Variants in ADAMTS14 observed in about 807,000 individuals in gnomAD.
ADAMTS14 encodes ADAM metallopeptidase with thrombospondin type 1 motif 14.
In ADAMTS14, 100 loss-of-function variants were observed where a neutral mutation model predicts 128.6. The observed-to-expected ratio is 0.78, with a 90% CI of 0.66 to 0.92. The LOEUF is 0.92. Ranked by LOEUF, ADAMTS14 falls within the 40% of genes least tolerant of loss-of-function variation. ADAMTS14 has a pLI of 0.00. For missense variants in ADAMTS14, 1,562 were observed against 1,658.6 expected (o/e 0.94, Z 1.01); for synonymous variants, 665 against 653.8 (o/e 1.02, Z -0.26).
In ADAMTS14 at chr10:70,735,308, A is replaced by G. The variant is rs1176301264; in HGVS notation, c.1485+7A>G. 1 of 1,613,448 alleles carries G rather than the reference A, an allele frequency of 6.2e-7. No individual in the cohort carries two copies. Among genetic ancestry groups the G allele is most frequent in the African/African-American group, 1.3e-5 (1 of 74,948 alleles). On this transcript the variant is annotated splice_region_variant and intron_variant, in intron 9 of 21. Coordinates refer to ENST00000373207, the MANE Select transcript of ADAMTS14 (RefSeq NM_080722.4). ...CTACCAGACCTGCTTGGCAGTAAGT[A>G]GCCATCTGGCCTCTGCCAGGTGGTT...
intron 4 of ADAMTS14, among the ~76,000 whole-genome samples, chr10:70,710,404 T>C (rs1840811683): frequency 6.6e-6 from 1 of 152,226 alleles, no homozygotes; most frequent in South Asian, 2.1e-4. Flanking sequence ...CTCACTGGCC[T>C]TGATGTTAGG....
chr10:70,710,078 C>A (rs1454772016), intron 4 of ADAMTS14, among the ~76,000 whole-genome samples: 1 of 152,202 alleles, frequency 6.6e-6, no homozygotes, highest in African/African-American at 2.4e-5. Flanking sequence ...GCCGGACCCT[C>A]AGCCCTCCCC....
chr10:70,684,173 T>C (rs557944843), intron 2 of ADAMTS14, among the ~76,000 whole-genome samples: 10 of 151,984 alleles, frequency 6.6e-5, no homozygotes, highest in African/African-American at 2.4e-4. Context: ...TGCTACACAC[T>C]TTTAAACAAC....
Position 70,743,658 on chromosome 10 carries a change from G to A in ADAMTS14, c.2035G>A (p.Val679Ile), listed in dbSNP as rs149001845. 80 of 1,604,974 alleles carry A rather than the reference G, an allele frequency of 5.0e-5. No individual in the cohort carries two copies. Among genetic ancestry groups the A allele is most frequent in the African/African-American group, 4.6e-4 (34 of 74,544 alleles). ...TRCSYRDPYS[V>I]CARGECVPVG... is the part of the protein sequence containing the mutation. The stretch of plus-strand genomic sequence containing the variant: ...CTGCAGCTACCGGGACCCATACAGC[G>A]TCTGTGCGCGTGGCGAGTGTGTGGT... The change falls in exon 13 of 22, where the codon GTC (valine) becomes ATC (isoleucine). Residue 679 changes from valine (V) to isoleucine (I), a missense_variant. Val to Ile is a conservative substitution (Grantham distance 29). Transcript: ENST00000373207.
chr10:70,705,681 G>A (rs1322827190), intron 3 of ADAMTS14, among the ~76,000 whole-genome samples: 1 of 152,166 alleles, frequency 6.6e-6, no homozygotes, highest in Non-Finnish European at 1.5e-5. Flanking sequence ...ACGTTTCATG[G>A]AATGAAATCA....
rs990989626 is a variant in ADAMTS14, at chr10:70,744,009, C to T, written c.2059-57C>T. On this transcript the variant is annotated intron_variant, in intron 13 of 21. Coordinates refer to ENST00000373207, the MANE Select transcript of ADAMTS14 (RefSeq NM_080722.4). ...GGCCTGGGGATGGGAATGGGAGCCC[C>T]GGGGTGGCGGTGGGGGCAGGGGAGC... The T allele has an allele frequency of 2.2e-5, 34 of 1,535,412 alleles. 1 individual carries two copies. Among genetic ancestry groups the T allele is most frequent in the South Asian group, 1.1e-4 (9 of 82,326 alleles).
chr10:70,678,141 A>C (rs1477590062), intron 2 of ADAMTS14, among the ~76,000 whole-genome samples: 2 of 152,244 alleles, frequency 1.3e-5, no homozygotes, highest in East Asian at 1.9e-4. Flanking sequence ...TTTGCAGATG[A>C]GGAAACTGAG....
chr10:70,695,666 G>C (rs539711387), intron 2 of ADAMTS14, among the ~76,000 whole-genome samples: 74 of 152,352 alleles, frequency 4.9e-4, no homozygotes, highest in African/African-American at 1.7e-3. Flanking sequence ...ACTGAGATGG[G>C]GAAGACAAGG....
intron 18 of ADAMTS14, among the ~76,000 whole-genome samples, chr10:70,752,667 C>T (rs1262495025): frequency 1.3e-5 from 2 of 152,168 alleles, no homozygotes; most frequent in African/African-American, 4.8e-5. Flanking sequence ...CTAGTACACC[C>T]CAAGCAGACT....
At chr10:70,734,058 TA>T in intron 8 of ADAMTS14, 30 bp downstream of exon 8, 1 of 1,600,424 alleles carries the variant, frequency 6.2e-7, no homozygotes, top group Non-Finnish European at 8.5e-7. Context: ...AGAGCTGGGA[TA>T]GGGGAGCATG....
intron 2 of ADAMTS14, among the ~76,000 whole-genome samples, chr10:70,680,597 A>G (rs1406088427): frequency 6.6e-6 from 1 of 152,136 alleles, no homozygotes; most frequent in Non-Finnish European, 1.5e-5. Context: ...CTATGCTTAG[A>G]TTCCTCATCT....
At chr10:70,740,672 G>A (rs1054502937) in intron 11 of ADAMTS14, among the ~76,000 whole-genome samples, 1 of 152,214 alleles carries the variant, frequency 6.6e-6, no homozygotes, top group African/African-American at 2.4e-5. Context: ...GAGTAAGATG[G>A]ATTTCTCTTC....
At chr10:70,747,618 G>T (rs562373429) in intron 15 of ADAMTS14, among the ~76,000 whole-genome samples, 1 of 152,162 alleles carries the variant, frequency 6.6e-6, no homozygotes, top group Non-Finnish European at 1.5e-5. Context: ...CTAGTTCTTC[G>T]ATCCCCAGGG....
intron 4 of ADAMTS14, among the ~76,000 whole-genome samples, chr10:70,725,261 A>G (rs555578722): frequency 6.6e-6 from 1 of 152,278 alleles, no homozygotes; most frequent in Admixed American, 6.5e-5. Flanking sequence ...AGGCCAGCAG[A>G]GGACGTGGAA....
intron 2 of ADAMTS14, among the ~76,000 whole-genome samples, chr10:70,694,155 A>C (rs1840267432): frequency 6.6e-6 from 1 of 152,234 alleles, no homozygotes; most frequent in East Asian, 1.9e-4. Context: ...CAGCGTCGGC[A>C]GGCTTTCATC....
intron 3 of ADAMTS14, 83 bp downstream of exon 3, chr10:70,702,551 C>A: frequency 6.7e-7 from 1 of 1,489,466 alleles, no homozygotes; most frequent in South Asian, 1.4e-5. Context: ...TTAAGCTGTC[C>A]ATGTCTGGCC....
Position 70,760,365 on chromosome 10 carries a change from C to A in ADAMTS14, c.3184C>A (p.Pro1062Thr). 1 of 1,565,142 alleles carries A rather than the reference C, an allele frequency of 6.4e-7. No individual in the cohort carries two copies. The highest frequency in any genetic ancestry group is 1.2e-5 in the South Asian group (1 of 84,166). ...TCCTTGTGCTGTGTGTGCAGCGGAG[C>A]CCTGCACGGGAGACAGGTCTGTCTT... ...HPINKISSTE[P>T]CTGDRSVFCQ... Residue 1062 changes from proline (P) to threonine (T), a missense_variant, in exon 22 of 22, where the codon CCC (proline) becomes ACC (threonine). Transcript: ENST00000373207.
intron 2 of ADAMTS14, among the ~76,000 whole-genome samples, chr10:70,692,893 G>T (rs533890912): frequency 2.0e-5 from 3 of 152,260 alleles, no homozygotes; most frequent in African/African-American, 7.2e-5. Flanking sequence ...GGCATGTGTG[G>T]TAGTCCATTT....
chr10:70,756,211 C>A (rs1413413847), intron 19 of ADAMTS14, among the ~76,000 whole-genome samples: 5 of 152,132 alleles, frequency 3.3e-5, no homozygotes, highest in Admixed American at 3.3e-4. Flanking sequence ...TTCTGGGATG[C>A]TCATTTATTA....
Sources: gnomAD v4.1 joint callset for allele counts (sites outside exome capture counted in the v4.1 genomes callset) on GRCh38, gnomAD v4.1.1 for gene constraint, MANE v1.5 for transcripts, NCBI Gene and HGNC (gene_info 2026-07-23, HGNC 2026-07-21) for gene names.